KCNH5: variants seen among roughly 807,000 people sequenced by gnomAD.
KCNH5 encodes the protein voltage-gated delayed rectifier potassium channel KCNH5.
A neutral mutation model predicts 96.1 loss-of-function variants in KCNH5; 46 were observed. The ratio of observed to expected loss-of-function variants is 0.48; its 90% CI spans 0.38 to 0.61. The LOEUF (loss-of-function observed/expected upper bound fraction) is 0.61, where lower values mean the gene tolerates loss of function less well. KCNH5 is among the 20% of genes least tolerant of loss of function. The pLI, the probability that KCNH5 is intolerant of heterozygous loss-of-function variation, is 0.00. For missense variants in KCNH5, 907 were observed against 1,225.8 expected (o/e 0.74, Z 3.88); for synonymous variants, 439 against 449.8 (o/e 0.98, Z 0.30).
intron 7 of KCNH5, among the ~76,000 whole-genome samples, chr14:62,899,639 G>A (rs959525326): frequency 2.0e-5 from 3 of 151,514 alleles, no homozygotes; most frequent in South Asian, 2.1e-4. Context: ...AGACCATCCC[G>A]GCTAAAAACG....
In KCNH5 at chr14:62,709,232, C is replaced by CAAAAAAAAAAAAAAA. The variant is rs67304113; in HGVS notation, c.2020-792_2020-778dup. 4.6e-4 allele frequency among the ~76,000 whole-genome samples: 33 copies of CAAAAAAAAAAAAAAA among 71,568 alleles called. 1 individual carries two copies. Among genetic ancestry groups the CAAAAAAAAAAAAAAA allele is most frequent in the East Asian group, 1.6e-3 (3 of 1,848 alleles). The allele number at this position is 71,568 out of a possible 152,430, so 47.0% of individuals were successfully genotyped here. ...TGGGCGACAGAACGAGACTCCTTCT[C>CAAAAAAAAAAAAAAA]AAAAAAAAAAAAAAAAAAAAAAAAA... On this transcript the variant is annotated intron_variant, in intron 10 of 10. Coordinates refer to ENST00000322893, the MANE Select transcript of KCNH5 (RefSeq NM_139318.5).
intron 9 of KCNH5, among the ~76,000 whole-genome samples, chr14:62,785,484 C>T (rs148346194): frequency 5.8e-4 from 88 of 152,294 alleles, no homozygotes; most frequent in African/African-American, 2.1e-3. Context: ...TAGGTCAGCT[C>T]CCGCTGGGTA....
chr14:62,768,839 T>C (rs1158889212), intron 10 of KCNH5, among the ~76,000 whole-genome samples: 1 of 152,208 alleles, frequency 6.6e-6, no homozygotes, highest in African/African-American at 2.4e-5. Context: ...GAAACTGTCC[T>C]TGAATAACTG....
rs1335195416 is a variant in KCNH5 at position 62,704,185 on chromosome 14, A to T, written c.*3323T>A. 1 of 151,916 alleles carries T rather than the reference A, an allele frequency of 6.6e-6. No individual in the cohort carries two copies. Among genetic ancestry groups the T allele is most frequent in the African/African-American group, 2.4e-5 (1 of 41,442 alleles). The allele number at this position is 151,916 out of a possible 1,614,324, so 9.4% of individuals were successfully genotyped here. A position where few individuals can be genotyped will look rare whatever the true frequency, so the allele number is the denominator to read the frequency against. The stretch of plus-strand genomic sequence containing the variant: ...TTTTTCTAGAGCAATTTCAAACCCC[A>T]GATTTTCCATTTTTTTCTCTGATAT... On this transcript the variant is annotated 3_prime_UTR_variant, in exon 11 of 11. Transcript: ENST00000322893.
At chr14:62,919,757 T>C (rs1889345490) in intron 7 of KCNH5, among the ~76,000 whole-genome samples, 1 of 152,196 alleles carries the variant, frequency 6.6e-6, no homozygotes, top group African/African-American at 2.4e-5. Flanking sequence ...AAAGTACTGA[T>C]TACTCTTATT....
chr14:62,825,187 C>T (rs1282968879), intron 8 of KCNH5, among the ~76,000 whole-genome samples: 1 of 152,032 alleles, frequency 6.6e-6, no homozygotes, highest in Non-Finnish European at 1.5e-5. Context: ...TCTCCAAACT[C>T]CTTTCTACAG....
intron 1 of KCNH5, 72 bp downstream of exon 1, chr14:63,045,042 G>A (rs1357706056): frequency 1.9e-5 from 23 of 1,179,594 alleles, no homozygotes; most frequent in Non-Finnish European, 2.8e-5. Context: ...GGAGAGGGAT[G>A]GGATGGGGAG....
intron 1 of KCNH5, among the ~76,000 whole-genome samples, chr14:63,024,351 C>CA (rs35989323): frequency 0.29 from 43,542 of 151,236 alleles, 7,496 homozygotes; most frequent in East Asian, 0.57. Flanking sequence ...CCTAAATAAT[C>CA]AACTAATATT....
At chr14:62,946,801 G>T (rs1192611625) in intron 7 of KCNH5, among the ~76,000 whole-genome samples, 1 of 152,086 alleles carries the variant, frequency 6.6e-6, no homozygotes, top group Non-Finnish European at 1.5e-5. Context: ...GCATTATGCT[G>T]AGCGGAGAAA....
chr14:62,790,876 G>A (rs1444854291), intron 9 of KCNH5, among the ~76,000 whole-genome samples: 1 of 151,686 alleles, frequency 6.6e-6, no homozygotes, highest in Non-Finnish European at 1.5e-5. Flanking sequence ...GGTTTTTGTA[G>A]AATCTTTGGC....
chr14:62,928,504 C>T (rs114256204), intron 7 of KCNH5, among the ~76,000 whole-genome samples: 1,646 of 152,114 alleles, frequency 0.011, 44 homozygotes, highest in African/African-American at 0.037. Context: ...ATTAATTTAT[C>T]GGGTTTTCAC....
At position 62,984,848 on chromosome 14, in the gene KCNH5, C is replaced by T. The variant is rs1890674557; in HGVS notation, c.549+2224G>A. ...TCAAGGGGAAAGTTTCTTTCTTTTCCGTTGATACAGTGAAAAAACAATTCT... is the reference window on the plus strand; with the variant it reads ...TCAAGGGGAAAGTTTCTTTCTTTTCTGTTGATACAGTGAAAAAACAATTCT... On this transcript the variant is annotated intron_variant, in intron 5 of 10. Transcript: ENST00000322893. Among the ~76,000 whole-genome samples the T allele has an allele frequency of 3.3e-5, 5 of 151,992 alleles. No homozygotes were observed. The South Asian group carries it at 8.3e-4, about 25-fold the overall frequency.
intron 7 of KCNH5, among the ~76,000 whole-genome samples, chr14:62,872,515 C>T (rs532536000): frequency 6.6e-6 from 1 of 151,572 alleles, no homozygotes; most frequent in South Asian, 2.1e-4. Context: ...ACAATGAAAC[C>T]TCATCTCTAC....
At chr14:62,855,299 A>G (rs1320672559) in intron 7 of KCNH5, among the ~76,000 whole-genome samples, 1 of 152,130 alleles carries the variant, frequency 6.6e-6, no homozygotes, top group African/African-American at 2.4e-5. Flanking sequence ...TTTCATATTC[A>G]TGATATTTAA....
intron 7 of KCNH5, among the ~76,000 whole-genome samples, chr14:62,906,379 T>A (rs1364476523): frequency 6.6e-6 from 1 of 152,168 alleles, no homozygotes; most frequent in East Asian, 1.9e-4. Context: ...CAGAGAAGGC[T>A]TCTCTAATGA....
chr14:62,959,488 AG>A (rs1238431302), intron 6 of KCNH5, among the ~76,000 whole-genome samples: 2 of 152,154 alleles, frequency 1.3e-5, no homozygotes, highest in African/African-American at 2.4e-5. Context: ...TTAGGACCAA[AG>A]AAGGTCCACA....
chr14:62,837,752 T>C (rs1029504297), intron 8 of KCNH5, among the ~76,000 whole-genome samples: 9 of 152,314 alleles, frequency 5.9e-5, no homozygotes, highest in Middle Eastern at 3.4e-3. Context: ...TATCAAATTA[T>C]ATGAATCAGT....
chr14:62,699,984 C>T lies in KCNH5; in HGVS notation c.*7524G>A, dbSNP rs1328912503. 1 of 152,088 alleles carries T rather than the reference C, an allele frequency of 6.6e-6. No homozygotes were observed. Among genetic ancestry groups the T allele is most frequent in the Non-Finnish European group, 1.5e-5 (1 of 67,990 alleles). The allele number at this position is 152,088 out of a possible 1,614,324, so 9.4% of individuals were successfully genotyped here. A position where few individuals can be genotyped will look rare whatever the true frequency, so the allele number is the denominator to read the frequency against. ...AATCAATTATTTCTGGTGAATTAAC[C>T]CTTAAAGGCAGAGGCATTTTTAATA... On this transcript the variant is annotated 3_prime_UTR_variant, in exon 11 of 11. Transcript: ENST00000322893.
At chr14:63,002,878 G>A (rs1002506566) in intron 3 of KCNH5, among the ~76,000 whole-genome samples, 7 of 152,156 alleles carry the variant, frequency 4.6e-5, no homozygotes, top group Admixed American at 6.5e-5. Flanking sequence ...TCATCTCCCC[G>A]AGAGGCTTGT....
Sources: allele counts gnomAD v4.1 joint callset (sites outside exome capture counted in the v4.1 genomes callset), GRCh38; gene constraint gnomAD v4.1.1; transcripts MANE v1.5; gene names NCBI Gene and HGNC (gene_info 2026-07-23, HGNC 2026-07-21).